The following BABAM2 variants were observed in gnomAD, a reference collection of about 807,000 sequenced individuals.
The protein encoded by BABAM2 is BRISC and BRCA1 A complex member 2, also known as BRISC and BRCA1-A complex member 2.
BABAM2 carries 31 observed loss-of-function variants against 54.7 expected under a neutral mutation model. The ratio of observed to expected loss-of-function variants is 0.57; its 90% confidence interval spans 0.43 to 0.77. BABAM2 has a LOEUF of 0.77. BABAM2 is among the 30% of genes least tolerant of loss of function. The pLI is 0.00. For missense variants in BABAM2, 364 were observed against 455.8 expected (o/e 0.80, Z 1.83); for synonymous variants, 167 against 162.9 (o/e 1.03, Z -0.19).
intron 6 of BABAM2, among the ~76,000 whole-genome samples, chr2:28,127,006 T>C (rs1669608113): frequency 6.6e-6 from 1 of 151,890 alleles, no homozygotes; most frequent in South Asian, 2.1e-4. Flanking sequence ...TTCTTGTAAA[T>C]TTGTTTGAGT....
chr2:28,109,157 C>T (rs1667774444), intron 6 of BABAM2, among the ~76,000 whole-genome samples: 1 of 151,484 alleles, frequency 6.6e-6, no homozygotes, highest in African/African-American at 2.4e-5. Context: ...ATTTGGTTTC[C>T]CCTTTGCTGC....
chr2:28,025,657 T>C (rs1675601185), intron 5 of BABAM2, among the ~76,000 whole-genome samples: 1 of 152,150 alleles, frequency 6.6e-6, no homozygotes, highest in Admixed American at 6.5e-5. Context: ...GCCCCAGATA[T>C]TCAGCAGTCA....
intron 5 of BABAM2, among the ~76,000 whole-genome samples, chr2:28,026,876 A>ATATATATAGATATATATATT (rs1558667360): frequency 0.096 from 5,368 of 56,008 alleles, 409 homozygotes; most frequent in Non-Finnish European, 0.14. Context: ...ATATATATTT[A>ATATATATAGATATATATATT]TATATATATA....
intron 7 of BABAM2, among the ~76,000 whole-genome samples, chr2:28,172,087 ATGTGTGTGTGTG>A (rs10612484): frequency 2.3e-4 from 34 of 149,890 alleles, no homozygotes; most frequent in Admixed American, 1.1e-3. Context: ...TTTGTTTGAA[ATGTGTGTGTGTG>A]TGTGTGTGTG....
intron 7 of BABAM2, among the ~76,000 whole-genome samples, chr2:28,219,779 G>T (rs546557644): frequency 6.6e-6 from 1 of 152,162 alleles, no homozygotes; most frequent in African/African-American, 2.4e-5. Context: ...TGATGTTGTC[G>T]TAACAGAGCC....
At chr2:27,899,006 G>T (rs1047777038) in intron 2 of BABAM2, among the ~76,000 whole-genome samples, 4 of 151,216 alleles carry the variant, frequency 2.6e-5, no homozygotes, top group Non-Finnish European at 5.9e-5. Flanking sequence ...GTACATGCTT[G>T]TAGTCCCAGC....
Position 28,235,875 on chromosome 2 carries a change from G to A in BABAM2, c.681-1327G>A, listed in dbSNP as rs141309044. On this transcript the variant is annotated intron_variant, in intron 7 of 11. Coordinates refer to ENST00000379624, the MANE Select transcript of BABAM2 (RefSeq NM_199191.3). The stretch of plus-strand genomic sequence containing the variant: ...AAGTCTTCCTATGTTGCCCAAGCTG[G>A]TCTTGAACTCCTAGACTCAAGTGAT... Among the ~76,000 whole-genome samples the A allele has an allele frequency of 6.0e-3, 917 of 151,664 alleles. 8 individuals are homozygous for A. The highest frequency in any genetic ancestry group is 0.021 in the African/African-American group (880 of 41,332).
At chr2:28,314,948 T>A (rs1689386582) in intron 11 of BABAM2, among the ~76,000 whole-genome samples, 1 of 140,860 alleles carries the variant, frequency 7.1e-6, no homozygotes, top group Admixed American at 7.6e-5. Context: ...GAGCAGTAGA[T>A]AAGGCAGGAA....
intron 6 of BABAM2, among the ~76,000 whole-genome samples, chr2:28,099,464 T>A (rs1666888797): frequency 6.6e-6 from 1 of 152,222 alleles, no homozygotes; most frequent in South Asian, 2.1e-4. Context: ...ACGATATGAT[T>A]TCTATACTGT....
intron 7 of BABAM2, among the ~76,000 whole-genome samples, chr2:28,138,213 GC>G (rs554651283): frequency 7.2e-5 from 11 of 152,242 alleles, no homozygotes; most frequent in African/African-American, 2.6e-4. Context: ...ATGGGAAAAT[GC>G]CCCCAGGATG....
chr2:28,254,070 T>C (rs1171384963), intron 10 of BABAM2, among the ~76,000 whole-genome samples: 2 of 152,236 alleles, frequency 1.3e-5, no homozygotes, highest in African/African-American at 4.8e-5. Context: ...ACAAAGTTCA[T>C]GTTAACCTAC....
intron 7 of BABAM2, among the ~76,000 whole-genome samples, chr2:28,187,151 A>G (rs1433833250): frequency 1.3e-5 from 2 of 152,172 alleles, no homozygotes. Flanking sequence ...TTGATTGTGC[A>G]TGCTACTGCA....
At chr2:28,147,905 C>T (rs549315116) in intron 7 of BABAM2, among the ~76,000 whole-genome samples, 23 of 152,234 alleles carry the variant, frequency 1.5e-4, no homozygotes, top group Admixed American at 5.2e-4. Flanking sequence ...GGATGAATGA[C>T]CCCTTAGTGA....
intron 7 of BABAM2, chr2:28,134,441 C>A (rs929095303): frequency 1.3e-5 from 2 of 152,230 alleles, no homozygotes; most frequent in Non-Finnish European, 2.9e-5. Flanking sequence ...TGAGAGTCTG[C>A]ATAGCACTCT....
chr2:28,331,953 G>A (rs1690994703), intron 11 of BABAM2, among the ~76,000 whole-genome samples: 1 of 152,296 alleles, frequency 6.6e-6, no homozygotes, highest in African/African-American at 2.4e-5. Context: ...AGAAAATGTG[G>A]TGCATATACA....
intron 7 of BABAM2, among the ~76,000 whole-genome samples, chr2:28,206,902 C>T: frequency 6.6e-6 from 1 of 152,162 alleles, no homozygotes; most frequent in Non-Finnish European, 1.5e-5. Context: ...ATTGCTGCTG[C>T]TATTATGAAG....
chr2:27,935,291 G>T (rs1241559168), intron 3 of BABAM2, among the ~76,000 whole-genome samples: 1 of 152,224 alleles, frequency 6.6e-6, no homozygotes, highest in Non-Finnish European at 1.5e-5. Context: ...GAAAGCCACT[G>T]TTGAGAACTA....
intron 6 of BABAM2, among the ~76,000 whole-genome samples, chr2:28,081,085 G>C (rs534066729): frequency 1.1e-4 from 16 of 152,286 alleles, no homozygotes; most frequent in Admixed American, 2.0e-4. Context: ...AGTTGGTGAA[G>C]CAATAATGAG....
At chr2:28,176,573 A>AAAAAAAAC (rs1674982089) in intron 7 of BABAM2, among the ~76,000 whole-genome samples, 2 of 137,590 alleles carry the variant, frequency 1.5e-5, no homozygotes, top group Admixed American at 1.5e-4. Context: ...CTATCTCAAA[A>AAAAAAAAC]AAAAAAAAAA....
Sources: allele counts gnomAD v4.1 joint callset (sites outside exome capture counted in the v4.1 genomes callset), GRCh38; gene constraint gnomAD v4.1.1; transcripts MANE v1.5; gene names NCBI Gene and HGNC (gene_info 2026-07-23, HGNC 2026-07-21).